KIZ: variants seen among roughly 807,000 people sequenced by gnomAD.
KIZ encodes the protein kizuna centrosomal protein, also known as centrosomal protein kizuna.
KIZ carries 68 observed loss-of-function variants against 79.6 expected under a neutral mutation model. The ratio of observed to expected loss-of-function variants is 0.85; its 90% CI spans 0.70 to 1.05. The LOEUF (loss-of-function observed/expected upper bound fraction) is 1.05, where lower values mean the gene tolerates loss of function less well. Among genes scored for constraint, KIZ ranks in the 50% least tolerant of loss-of-function variants. KIZ has a pLI of 0.00. For synonymous variants in KIZ, 280 were observed against 281.8 expected (o/e 0.99, Z 0.06); for missense variants, 797 against 800.4 (o/e 1.00, Z 0.05).
chr20:21,169,476 T>C (rs2034106050), intron 6 of KIZ, among the ~76,000 whole-genome samples: 1 of 152,260 alleles, frequency 6.6e-6, no homozygotes, highest in African/African-American at 2.4e-5. Flanking sequence ...TTTACACTAT[T>C]GATGGGAGTG....
chr20:21,174,013 G>A (rs1235211389), intron 6 of KIZ, among the ~76,000 whole-genome samples: 2 of 152,210 alleles, frequency 1.3e-5, no homozygotes, highest in Non-Finnish European at 2.9e-5. Context: ...AGGAGTCTCA[G>A]AAGACGCTGC....
At chr20:21,138,075 A>T (rs199739745) in intron 3 of KIZ, among the ~76,000 whole-genome samples, 1 of 151,694 alleles carries the variant, frequency 6.6e-6, no homozygotes, top group African/African-American at 2.4e-5. Flanking sequence ...CCCAGACATA[A>T]TATTTAATTT....
chr20:21,153,902 A>G (rs372179808), intron 4 of KIZ: 9 of 152,334 alleles, frequency 5.9e-5, no homozygotes, highest in East Asian at 3.9e-4. Context: ...TTAAGGCCCT[A>G]TCCTTTAAGC....
At chr20:21,127,872 T>G (rs2031583224) in intron 1 of KIZ, among the ~76,000 whole-genome samples, 1 of 152,180 alleles carries the variant, frequency 6.6e-6, no homozygotes, top group African/African-American at 2.4e-5. Flanking sequence ...GGCCACAGAT[T>G]TTTTTCTTTC....
intron 9 of KIZ, among the ~76,000 whole-genome samples, chr20:21,216,467 A>AT (rs2036299295): frequency 6.6e-6 from 1 of 152,184 alleles, no homozygotes; most frequent in South Asian, 2.1e-4. Context: ...GGCATGATTA[A>AT]TTTTTTAAAC....
At position 21,219,691 on chromosome 20, in the gene KIZ, G is replaced by C. The variant is rs1359802890; in HGVS notation, c.1678+4043G>C. ...CCCCTGACATTCCTTCTAATGCCAA[G>C]GGACTGTGCTTCTTCCTCTATGCTA... On this transcript the variant is annotated intron_variant, in intron 9 of 12. Coordinates refer to ENST00000619189, the MANE Select transcript of KIZ (RefSeq NM_018474.6). Among the ~76,000 whole-genome samples, 3 of 152,270 alleles carry C rather than the reference G, an allele frequency of 2.0e-5. No homozygotes were observed. In the East Asian group the frequency reaches 5.8e-4, roughly 29 times the overall value.
chr20:21,237,262 A>G (rs2037044914), intron 11 of KIZ, among the ~76,000 whole-genome samples: 1 of 149,892 alleles, frequency 6.7e-6, no homozygotes, highest in South Asian at 2.1e-4. Flanking sequence ...AGATCGTGCC[A>G]CTACACTCCA....
chr20:21,164,714 T>C (rs1600425579), intron 6 of KIZ, among the ~76,000 whole-genome samples: 1 of 28,854 alleles, frequency 3.5e-5, no homozygotes, highest in Non-Finnish European at 1.5e-4. Flanking sequence ...TTCGAATGAC[T>C]TTTTTTTTTT....
chr20:21,156,451 G>A (rs573044074), intron 4 of KIZ, among the ~76,000 whole-genome samples: 1 of 152,324 alleles, frequency 6.6e-6, no homozygotes, highest in East Asian at 1.9e-4. Context: ...ACTTAACATT[G>A]TAGTGTAATG....
intron 7 of KIZ, among the ~76,000 whole-genome samples, chr20:21,211,356 C>T (rs768787788): frequency 6.6e-6 from 1 of 152,174 alleles, no homozygotes; most frequent in Non-Finnish European, 1.5e-5. Context: ...TTTCCAAGTC[C>T]TTTCTCCTGG....
chr20:21,142,569 T>A (rs980854497), intron 3 of KIZ, among the ~76,000 whole-genome samples: 7 of 152,078 alleles, frequency 4.6e-5, no homozygotes, highest in Non-Finnish European at 8.8e-5. Context: ...ATATATAATG[T>A]CATTATTTAA....
chr20:21,145,062 T>C (rs968474143), intron 3 of KIZ, among the ~76,000 whole-genome samples: 2 of 152,102 alleles, frequency 1.3e-5, no homozygotes, highest in African/African-American at 4.8e-5. Context: ...GAAAATGGAA[T>C]TTGTTTTAAG....
At chr20:21,194,967 A>G (rs978873623) in intron 6 of KIZ, 1 of 152,258 alleles carries the variant, frequency 6.6e-6, no homozygotes, top group African/African-American at 2.4e-5. Context: ...TATGAGAAAT[A>G]AAAGTAAAAA....
At chr20:21,163,243 C>T (rs536363074) in intron 6 of KIZ, 84 bp downstream of exon 6, 106 of 916,880 alleles carry the variant, frequency 1.2e-4, no homozygotes, top group East Asian at 9.6e-5. Flanking sequence ...AATGTATTAT[C>T]GAGCACTCAG....
At chr20:21,160,247 C>T (rs1470259317) in intron 4 of KIZ, among the ~76,000 whole-genome samples, 1 of 152,118 alleles carries the variant, frequency 6.6e-6, no homozygotes, top group African/African-American at 2.4e-5. Context: ...GCTTGACAGG[C>T]CCTTCTGACC....
intron 2 of KIZ, among the ~76,000 whole-genome samples, chr20:21,134,754 C>T (rs940783308): frequency 1.0e-4 from 15 of 149,354 alleles, no homozygotes; most frequent in African/African-American, 3.5e-4. Flanking sequence ...GCAGCCTCTG[C>T]CTCCCGGGTT....
chr20:21,212,952 A>G (rs1768799963), intron 7 of KIZ, among the ~76,000 whole-genome samples: 1 of 152,142 alleles, frequency 6.6e-6, no homozygotes, highest in Non-Finnish European at 1.5e-5. Flanking sequence ...GTGGAGTGAA[A>G]TCTAGGGACT....
intron 2 of KIZ, among the ~76,000 whole-genome samples, chr20:21,134,762 G>GT (rs1465556293): frequency 1.3e-5 from 2 of 150,794 alleles, no homozygotes; most frequent in Non-Finnish European, 1.5e-5. Context: ...TGCCTCCCGG[G>GT]TTCAAGCAAT....
At chr20:21,237,661 G>A (rs1284189302) in intron 11 of KIZ, among the ~76,000 whole-genome samples, 1 of 152,104 alleles carries the variant, frequency 6.6e-6, no homozygotes, top group Non-Finnish European at 1.5e-5. Context: ...CCTGGTTAAG[G>A]CCTTCTAGAT....
Sources: allele counts gnomAD v4.1 joint callset (sites outside exome capture counted in the v4.1 genomes callset), GRCh38; gene constraint gnomAD v4.1.1; transcripts MANE v1.5; gene names NCBI Gene and HGNC (gene_info 2026-07-23, HGNC 2026-07-21).